TUSC3: variants seen among roughly 807,000 people sequenced by gnomAD.
TUSC3 encodes dolichyl-diphosphooligosaccharide--protein glycosyltransferase subunit TUSC3.
In TUSC3, 45 loss-of-function variants were observed where a neutral mutation model predicts 44.8. The ratio of observed to expected loss-of-function variants is 1.00; its 90% CI spans 0.79 to 1.29. TUSC3 has a LOEUF of 1.29. Among genes scored for constraint, TUSC3 ranks in the 50% most tolerant of loss-of-function variants. The pLI is 0.00. For missense variants in TUSC3, 519 were observed against 437.9 expected, an observed-to-expected ratio of 1.19 and a Z score of -1.65; for synonymous variants, 212 against 152.9, an observed-to-expected ratio of 1.39 and a Z score of -2.85.
At chr8:15,692,478 G>A (rs991998410) in intron 6 of TUSC3, among the ~76,000 whole-genome samples, 1 of 146,768 alleles carries the variant, frequency 6.8e-6, no homozygotes, top group African/African-American at 2.5e-5. Context: ...GCTGGTCCTG[G>A]GCTTTTTCTT....
chr8:15,551,293 A>T lies in TUSC3; in HGVS notation c.138+10725A>T, dbSNP rs1802053728. ...CTTTTAGATCCTTTCTAGATTTTTA[A>T]GATTATATAAAATATGGTAATAGAA... On this transcript the variant is annotated intron_variant, in intron 1 of 10. Transcript: ENST00000503731. Among the ~76,000 whole-genome samples the T allele has an allele frequency of 2.0e-5, 3 of 151,738 alleles. No homozygotes were observed. The South Asian group carries it at 6.3e-4, about 32-fold the overall frequency.
intron 8 of TUSC3, among the ~76,000 whole-genome samples, chr8:15,745,045 G>C (rs1811349377): frequency 6.6e-6 from 1 of 152,046 alleles, no homozygotes; most frequent in Non-Finnish European, 1.5e-5. Context: ...TGAGGTATTT[G>C]GTTTTCTGTT....
At chr8:15,459,229 A>C (rs1375642282) in intron 1 of TUSC3, among the ~76,000 whole-genome samples, 1 of 152,158 alleles carries the variant, frequency 6.6e-6, no homozygotes, top group Non-Finnish European at 1.5e-5. Context: ...CACTGAATTA[A>C]TATTAGTTTA....
chr8:15,420,891 T>C (rs1299743095), intron 1 of TUSC3, among the ~76,000 whole-genome samples: 2 of 152,172 alleles, frequency 1.3e-5, no homozygotes, highest in African/African-American at 4.8e-5. Flanking sequence ...TAAAGTGACC[T>C]GTCTCAGTCT....
At chr8:15,638,507 CTTTTTTTCTTTTTTTTTTTTTTT>C (rs1025687992) in intron 2 of TUSC3, among the ~76,000 whole-genome samples, 1 of 112,678 alleles carries the variant, frequency 8.9e-6, no homozygotes, top group African/African-American at 3.3e-5. Flanking sequence ...CTTTTTTTTT[CTTTTTTTCTTTTTTTTTTTTTTT>C]TTTTTTTTTG....
At chr8:15,781,823 A>G in the TUSC3 span, among the ~76,000 whole-genome samples, 1 of 152,150 alleles carries the variant, frequency 6.6e-6, no homozygotes, top group Non-Finnish European at 1.5e-5. Context: ...ACCAAAGCCA[A>G]ACAAAGCTAC....
At chr8:15,574,776 A>T (rs1803025759) in intron 1 of TUSC3, among the ~76,000 whole-genome samples, 1 of 152,168 alleles carries the variant, frequency 6.6e-6, no homozygotes, top group South Asian at 2.1e-4. Context: ...ACATTATTTT[A>T]AGCTAGATGT....
chr8:15,659,359 CAAAT>C (rs1348862785), intron 3 of TUSC3, 144 bp from the exon 4 acceptor site: 8 of 942,560 alleles, frequency 8.5e-6, no homozygotes, highest in African/African-American at 8.3e-5. Flanking sequence ...TGAATTAAGA[CAAAT>C]AAAAACAGAA....
chr8:15,653,368 A>G (rs1435697935), intron 3 of TUSC3, among the ~76,000 whole-genome samples: 1 of 152,168 alleles, frequency 6.6e-6, no homozygotes, highest in Non-Finnish European at 1.5e-5. Context: ...CAGTTAATTC[A>G]TATTTTTTTT....
chr8:15,681,134 T>A, intron 6 of TUSC3, among the ~76,000 whole-genome samples: 1 of 151,896 alleles, frequency 6.6e-6, no homozygotes, highest in East Asian at 1.9e-4. Context: ...CTTGATTTTT[T>A]TTTTTTTTTG....
In TUSC3 at chr8:15,662,101, AAAAGAAAAATTTT is replaced by A. The variant is rs530833898; in HGVS notation, c.568-53_568-41del. The A allele has an allele frequency of 4.1e-3, 6,528 of 1,602,988 alleles. 16 individuals carry two copies. Among genetic ancestry groups the A allele is most frequent in the Non-Finnish European group, 4.8e-3 (5,572 of 1,171,888 alleles). ...AAATTATGAGGACTAGAATATGATC[AAAAGAAAAATTTT>A]ATTTTTCTTTCATTTTTGAAATTTC... On this transcript the variant is annotated intron_variant, in intron 4 of 10. Transcript: ENST00000503731.
the TUSC3 span, chr8:15,806,562 C>G: frequency 1.2e-5 from 17 of 1,452,660 alleles, 1 homozygote; most frequent in Middle Eastern, 1.8e-4. Flanking sequence ...TCTTCATTTC[C>G]CATAACATCC....
intron 1 of TUSC3, among the ~76,000 whole-genome samples, chr8:15,573,080 T>A (rs1267315335): frequency 2.0e-5 from 3 of 151,464 alleles, no homozygotes; most frequent in African/African-American, 7.3e-5. Context: ...TTGTAAAAAA[T>A]GCCTTATCTG....
At chr8:15,716,393 A>G (rs1316757200) in intron 6 of TUSC3, among the ~76,000 whole-genome samples, 2 of 152,148 alleles carry the variant, frequency 1.3e-5, no homozygotes, top group African/African-American at 4.8e-5. Flanking sequence ...GTTTAAAGAA[A>G]AGTTGTTCAG....
At chr8:15,693,694 TG>T (rs1809022451) in intron 6 of TUSC3, among the ~76,000 whole-genome samples, 1 of 152,078 alleles carries the variant, frequency 6.6e-6, no homozygotes, top group African/African-American at 2.4e-5. Flanking sequence ...TTGGCCTCTC[TG>T]GCAAGCTTGG....
At chr8:15,620,424 T>C (rs946839673) in intron 1 of TUSC3, among the ~76,000 whole-genome samples, 1 of 152,194 alleles carries the variant, frequency 6.6e-6, no homozygotes, top group Non-Finnish European at 1.5e-5. Context: ...TGTGATTGTG[T>C]AGAAATTATA....
chr8:15,571,169 G>T (rs181841760), intron 1 of TUSC3, among the ~76,000 whole-genome samples: 2,358 of 151,764 alleles, frequency 0.016, 36 homozygotes, highest in Middle Eastern at 0.062. Flanking sequence ...GGCCAGGCTG[G>T]TCTCGAACTC....
intron 2 of TUSC3, among the ~76,000 whole-genome samples, chr8:15,507,643 T>C (rs946880774): frequency 1.1e-4 from 17 of 152,232 alleles, no homozygotes; most frequent in African/African-American, 3.9e-4. Flanking sequence ...AAACCTCCCA[T>C]ATACAAAATA....
chr8:15,449,628 G>C (rs1335049095), intron 1 of TUSC3, among the ~76,000 whole-genome samples: 1 of 152,102 alleles, frequency 6.6e-6, no homozygotes, highest in East Asian at 1.9e-4. Context: ...AGTATAATGA[G>C]GCGTCTTACC....
Sources: gnomAD v4.1 joint callset for allele counts (sites outside exome capture counted in the v4.1 genomes callset) on GRCh38, gnomAD v4.1.1 for gene constraint, MANE v1.5 for transcripts, NCBI Gene and HGNC (gene_info 2026-07-23, HGNC 2026-07-21) for gene names.